The following ADAMTSL3 variants were observed in gnomAD, a reference collection of about 807,000 sequenced individuals.
ADAMTSL3 encodes the protein ADAMTS-like protein 3.
In ADAMTSL3, 128 loss-of-function variants were observed where a neutral mutation model predicts 201.7. That is an observed-to-expected ratio of 0.63 (90% CI 0.55 to 0.73). The LOEUF is 0.73. ADAMTSL3 is among the 30% of genes least tolerant of loss of function. ADAMTSL3 has a pLI of 0.00. For missense variants in ADAMTSL3, 1,990 were observed against 2,119.6 expected, an observed-to-expected ratio of 0.94 and a Z score of 1.20; for synonymous variants, 738 against 748.4, an observed-to-expected ratio of 0.99 and a Z score of 0.23.
intron 13 of ADAMTSL3, among the ~76,000 whole-genome samples, chr15:83,896,083 G>A (rs1461776634): frequency 1.3e-5 from 2 of 152,194 alleles, no homozygotes; most frequent in Non-Finnish European, 2.9e-5. Flanking sequence ...GGCAATAGAT[G>A]GCTCTGGGAG....
At chr15:83,869,935 AT>A (rs576441129) in intron 8 of ADAMTSL3, among the ~76,000 whole-genome samples, 1 of 152,106 alleles carries the variant, frequency 6.6e-6, no homozygotes, top group African/African-American at 2.4e-5. Context: ...CTGTATATAC[AT>A]TTTTTGTTGC....
chr15:83,934,819 G>A (rs1016632283), intron 17 of ADAMTSL3, among the ~76,000 whole-genome samples: 1 of 151,598 alleles, frequency 6.6e-6, no homozygotes, highest in Non-Finnish European at 1.5e-5. Flanking sequence ...CAAATGATTG[G>A]ATAAAGAAAA....
At chr15:84,014,823 C>T (rs934898264) in intron 24 of ADAMTSL3, 99 bp downstream of exon 24, 2 of 1,226,970 alleles carry the variant, frequency 1.6e-6, no homozygotes, top group Non-Finnish European at 2.3e-6. Flanking sequence ...ACGAGATGGA[C>T]ATCAGATGGT....
intron 17 of ADAMTSL3, among the ~76,000 whole-genome samples, chr15:83,932,037 T>C (rs1242608003): frequency 6.6e-6 from 1 of 152,166 alleles, no homozygotes; most frequent in Non-Finnish European, 1.5e-5. Flanking sequence ...TCAGGGACGA[T>C]AAGAAAATCT....
chr15:83,702,168 A>G (rs1022224393), intron 2 of ADAMTSL3, among the ~76,000 whole-genome samples: 1 of 152,240 alleles, frequency 6.6e-6, no homozygotes, highest in African/African-American at 2.4e-5. Context: ...TTGAGAGAGA[A>G]GATTTAGGGT....
At chr15:83,917,794 G>GCAAAA (rs2066066220) in intron 16 of ADAMTSL3, among the ~76,000 whole-genome samples, 1 of 152,054 alleles carries the variant, frequency 6.6e-6, no homozygotes, top group Non-Finnish European at 1.5e-5. Context: ...TAGAGTTGTG[G>GCAAAA]TTTATTTTGC....
At position 83,823,060 on chromosome 15, in the gene ADAMTSL3, C is replaced by T. The variant is rs1023905835; in HGVS notation, c.600+3013C>T. ...AAATACGAAAACCAGTCAGGCGTGG[C>T]GGCGCGCGCCTGCAAATTGCAGGCA... On this transcript the variant is annotated intron_variant, in intron 6 of 29. Transcript: ENST00000286744. 1.5e-4 allele frequency among the ~76,000 whole-genome samples: 22 copies of T among 150,968 alleles called. No individual in the cohort carries two copies. In the East Asian group the frequency reaches 2.4e-3, roughly 16 times the overall value.
At position 83,892,551 on chromosome 15, in the gene ADAMTSL3, T is replaced by C. The variant is rs920457757; in HGVS notation, c.1263-133T>C. ...TCTCAACAAAAAAAAGTATAAAGTC[T>C]TATGACTCCCAGTCCCAGGCTCATT... On this transcript the variant is annotated intron_variant, in intron 12 of 29. Transcript: ENST00000286744. 21 of 843,800 alleles carry C rather than the reference T, an allele frequency of 2.5e-5. No homozygotes were observed. The Admixed American group carries it at 5.1e-4, about 21-fold the overall frequency. 52.3% of individuals were successfully genotyped at this position (843,800 alleles called of 1,614,324 possible).
chr15:83,929,991 A>G (rs1596422970), intron 17 of ADAMTSL3, among the ~76,000 whole-genome samples: 1 of 152,192 alleles, frequency 6.6e-6, no homozygotes, highest in African/African-American at 2.4e-5. Flanking sequence ...TCTCACTGGT[A>G]AAATGAAGTT....
intron 3 of ADAMTSL3, among the ~76,000 whole-genome samples, chr15:83,756,561 T>A (rs1055505109): frequency 2.0e-5 from 3 of 151,918 alleles, no homozygotes; most frequent in African/African-American, 7.2e-5. Flanking sequence ...ATTTGAGATT[T>A]GGGTGGGGAC....
chr15:83,903,948 A>G lies in ADAMTSL3; in HGVS notation c.1700+4217A>G, dbSNP rs1567226136. On this transcript the variant is annotated intron_variant, in intron 15 of 29. Coordinates refer to ENST00000286744, the MANE Select transcript of ADAMTSL3 (RefSeq NM_207517.3). Reference sequence around the variant, plus strand: ...AAAAAAAAAAAAAAAAAAAAAAGAAAAAAGAAAGAAAGAAAGAAAGAAAAG... The same window carrying G: ...AAAAAAAAAAAAAAAAAAAAAAGAAGAAAGAAAGAAAGAAAGAAAGAAAAG... Among the ~76,000 whole-genome samples the G allele has an allele frequency of 7.5e-3, 762 of 101,550 alleles. 14 individuals are homozygous for G. The highest frequency in any genetic ancestry group is 0.013 in the Non-Finnish European group (549 of 43,764). The allele number at this position is 101,550 out of a possible 152,430, so 66.6% of individuals were successfully genotyped here. A position where few individuals can be genotyped will look rare whatever the true frequency, so the allele number is the denominator to read the frequency against.
intron 28 of ADAMTSL3, among the ~76,000 whole-genome samples, chr15:84,036,448 G>A (rs190227863): frequency 2.0e-5 from 3 of 152,240 alleles, no homozygotes; most frequent in Non-Finnish European, 2.9e-5. Context: ...TCTCTTCCTT[G>A]CCAAAATTGA....
At chr15:83,924,683 T>A (rs1288913692) in intron 17 of ADAMTSL3, among the ~76,000 whole-genome samples, 1 of 152,198 alleles carries the variant, frequency 6.6e-6, no homozygotes, top group East Asian at 1.9e-4. Flanking sequence ...TGTTCTCATG[T>A]TCCTGTGTCC....
rs775299681 is a variant in ADAMTSL3, at chr15:83,897,988, C to T, written c.1598C>T (p.Pro533Leu). The stretch of plus-strand genomic sequence containing the variant: ...AAAGAAGAATGTGTCATTCCCATCC[C>T]GTGTTATAAACCAAAAGGTAAGTCT... Reference protein sequence around the residue: ...HIKEECVIPIPCYKPKEKSPV... With the variant: ...HIKEECVIPILCYKPKEKSPV... Residue 533 changes from proline to leucine, a missense_variant, in exon 14 of 30, where the codon CCG becomes CTG. Transcript: ENST00000286744. 8.7e-6 allele frequency: 14 copies of T among 1,613,294 alleles called. No homozygotes were observed. The East Asian group carries it at 8.9e-5, about 10-fold the overall frequency.
intron 5 of ADAMTSL3, among the ~76,000 whole-genome samples, chr15:83,805,459 A>G (rs1216978230): frequency 6.6e-6 from 1 of 152,032 alleles, no homozygotes; most frequent in Non-Finnish European, 1.5e-5. Flanking sequence ...TTAGAGGCTG[A>G]GGAAGGAGAA....
chr15:84,017,046 C>T (rs1422022309), intron 25 of ADAMTSL3, among the ~76,000 whole-genome samples: 4 of 152,158 alleles, frequency 2.6e-5, no homozygotes, highest in African/African-American at 9.7e-5. Context: ...CTCCTTGTAG[C>T]TCAAAAATGG....
chr15:83,927,745 A>G (rs1420702073), intron 17 of ADAMTSL3, among the ~76,000 whole-genome samples: 4 of 152,156 alleles, frequency 2.6e-5, no homozygotes, highest in Admixed American at 1.3e-4. Flanking sequence ...AGTATTTCTC[A>G]TGAGATGTCA....
At chr15:83,734,695 T>G (rs1429103883) in intron 3 of ADAMTSL3, among the ~76,000 whole-genome samples, 1 of 152,168 alleles carries the variant, frequency 6.6e-6, no homozygotes, top group Non-Finnish European at 1.5e-5. Flanking sequence ...AACATTTCTC[T>G]CCAAACCATA....
rs928206465 is a variant in ADAMTSL3, at chr15:83,855,974, G to T, written c.728-2792G>T. Among the ~76,000 whole-genome samples, 4 of 152,136 alleles carry T rather than the reference G, an allele frequency of 2.6e-5. No homozygotes were observed. In the South Asian group the frequency reaches 6.2e-4, roughly 24 times the overall value. ...TGCAGTGAGCCTAGATCAGGCCACT[G>T]CACTCCAGCCTGGGTGACAGAGTGA... is the stretch of plus-strand genomic sequence containing the variant. On this transcript the variant is annotated intron_variant, in intron 7 of 29. Coordinates refer to ENST00000286744, the MANE Select transcript of ADAMTSL3 (RefSeq NM_207517.3).
Sources: allele counts gnomAD v4.1 joint callset (sites outside exome capture counted in the v4.1 genomes callset), GRCh38; gene constraint gnomAD v4.1.1; transcripts MANE v1.5; gene names NCBI Gene and HGNC (gene_info 2026-07-23, HGNC 2026-07-21).